Variants in MTHFD1 observed in about 807,000 individuals in gnomAD.
MTHFD1 encodes C-1-tetrahydrofolate synthase, cytoplasmic.
In MTHFD1, 44 loss-of-function variants were observed where a neutral mutation model predicts 110.3. The ratio of observed to expected loss-of-function variants is 0.40; its 90% confidence interval spans 0.31 to 0.51. The LOEUF (loss-of-function observed/expected upper bound fraction) is 0.51, where lower values mean the gene tolerates loss of function less well. Ranked by LOEUF, MTHFD1 falls within the 20% of genes least tolerant of loss-of-function variation. The pLI is 0.60. For missense variants in MTHFD1, 909 were observed against 1,173.1 expected, an observed-to-expected ratio of 0.77 and a Z score of 3.29; for synonymous variants, 402 against 428.8, an observed-to-expected ratio of 0.94 and a Z score of 0.77.
chr14:64,444,807 C>T, intron 22 of MTHFD1, 73 bp downstream of exon 22: 1 of 1,549,810 alleles, frequency 6.5e-7, no homozygotes, highest in Non-Finnish European at 8.9e-7. Context: ...CCACCTGGCC[C>T]ATGTGGAAAT....
intron 1 of MTHFD1, among the ~76,000 whole-genome samples, chr14:64,399,988 T>C (rs1392186990): frequency 6.6e-6 from 1 of 152,190 alleles, no homozygotes; most frequent in African/African-American, 2.4e-5. Context: ...TTGCCCAGGA[T>C]AGTCTTAAAC....
At chr14:64,411,829 A>G (rs1005841479) in intron 3 of MTHFD1, among the ~76,000 whole-genome samples, 110 of 152,136 alleles carry the variant, frequency 7.2e-4, no homozygotes, top group African/African-American at 2.5e-3. Flanking sequence ...TGAACCTGGG[A>G]GGCGGAGGTT....
At chr14:64,431,282 T>C (rs2078157853) in intron 13 of MTHFD1, among the ~76,000 whole-genome samples, 1 of 151,766 alleles carries the variant, frequency 6.6e-6, no homozygotes. Context: ...CCCAGGGTGG[T>C]CTTGAACTCC....
chr14:64,392,717 T>A (rs61984456), intron 1 of MTHFD1, among the ~76,000 whole-genome samples: 3,061 of 152,326 alleles, frequency 0.02, 53 homozygotes, highest in Non-Finnish European at 0.029. Context: ...GGGGTAGTAA[T>A]GTCACCTAAC....
At chr14:64,425,925 C>T (rs1432342547) in intron 10 of MTHFD1, 94 bp from the exon 11 acceptor site, 2 of 1,576,224 alleles carry the variant, frequency 1.3e-6, no homozygotes, top group Non-Finnish European at 1.7e-6. Flanking sequence ...AAGGTGCCTT[C>T]AGTGGTTGGG....
intron 2 of MTHFD1, among the ~76,000 whole-genome samples, chr14:64,410,413 G>A (rs1218516806): frequency 6.6e-6 from 1 of 151,472 alleles, no homozygotes; most frequent in Non-Finnish European, 1.5e-5. Context: ...AAGATGGGGG[G>A]GGGGGTCTCA....
At chr14:64,457,304 A>C (rs2078490694) in intron 26 of MTHFD1, among the ~76,000 whole-genome samples, 1 of 152,212 alleles carries the variant, frequency 6.6e-6, no homozygotes, top group Non-Finnish European at 1.5e-5. Flanking sequence ...TGAGCTGAGG[A>C]GGCGAGTGAG....
chr14:64,431,370 AT>A (rs1364969516), intron 13 of MTHFD1, among the ~76,000 whole-genome samples, 161 bp from the exon 14 acceptor site: 18 of 152,132 alleles, frequency 1.2e-4, no homozygotes, highest in Admixed American at 1.0e-3. Flanking sequence ...CCAGCCAGTC[AT>A]TTATGTTTTC....
At chr14:64,400,280 C>T (rs1173229840) in intron 1 of MTHFD1, among the ~76,000 whole-genome samples, 2 of 151,982 alleles carry the variant, frequency 1.3e-5, no homozygotes, top group East Asian at 1.9e-4. Flanking sequence ...CCTAGCTACT[C>T]GGGAGGCTGA....
chr14:64,458,451 T>C (rs1426855124), intron 27 of MTHFD1, 144 bp downstream of exon 27: 5 of 711,202 alleles, frequency 7.0e-6, no homozygotes, highest in Non-Finnish European at 1.3e-5. Flanking sequence ...GGAGAGGGGA[T>C]AGTAATGAGA....
At chr14:64,430,408 C>G (rs1191507590) in intron 13 of MTHFD1, among the ~76,000 whole-genome samples, 178 bp downstream of exon 13, 1 of 150,110 alleles carries the variant, frequency 6.7e-6, no homozygotes, top group African/African-American at 2.5e-5. Flanking sequence ...AAGCAACTCT[C>G]CTGCGTCAGC....
chr14:64,456,063 C>G (rs758294047), intron 26 of MTHFD1, among the ~76,000 whole-genome samples: 12 of 152,202 alleles, frequency 7.9e-5, no homozygotes, highest in Non-Finnish European at 1.6e-4. Context: ...TCAGCAGCTA[C>G]CAGCTGAAAG....
intron 2 of MTHFD1, among the ~76,000 whole-genome samples, chr14:64,410,883 G>A (rs2077978276): frequency 6.6e-6 from 1 of 152,096 alleles, no homozygotes; most frequent in South Asian, 2.1e-4. Context: ...GGAACCAGGT[G>A]GGCCTTGTTT....
chr14:64,442,373 G>T lies in MTHFD1; in HGVS notation c.2107G>T (p.Ala703Ser), dbSNP rs1000242915. ...HVVVLVATVRALKMHGGGPTV... is the reference protein window; with the variant it reads ...HVVVLVATVRSLKMHGGGPTV... The stretch of plus-strand genomic sequence containing the variant: ...GGTGGTGCTTGTTGCCACTGTCAGG[G>T]CTCTCAAGATGCACGGGGGCGGCCC... Residue 703 changes from alanine to serine, a missense_variant, in exon 21 of 28, where the codon GCT (alanine) becomes TCT (serine). By Grantham distance (99) the Ala-to-Ser change is moderately conservative. This residue lies in a region of MTHFD1 where 482 missense variants were observed against 646.0 expected (regional missense o/e 0.75). Coordinates refer to ENST00000652337, the MANE Select transcript of MTHFD1 (RefSeq NM_005956.4). 1 of 1,614,226 alleles carries T rather than the reference G, an allele frequency of 6.2e-7. No individual in the cohort carries two copies.
At chr14:64,423,687 C>T (rs1279812165) in intron 8 of MTHFD1, among the ~76,000 whole-genome samples, 1 of 151,386 alleles carries the variant, frequency 6.6e-6, no homozygotes, top group Non-Finnish European at 1.5e-5. Context: ...TGAGCCACCA[C>T]ACCTGGCCCT....
chr14:64,449,023 T>C (rs914370146), intron 23 of MTHFD1: 2 of 309,182 alleles, frequency 6.5e-6, no homozygotes, highest in Non-Finnish European at 1.3e-5. Context: ...ATGGTCTCGA[T>C]CTCCTGACCT....
At chr14:64,436,510 G>A (rs2078207196) in intron 16 of MTHFD1, among the ~76,000 whole-genome samples, 2 of 152,178 alleles carry the variant, frequency 1.3e-5, no homozygotes, top group African/African-American at 4.8e-5. Flanking sequence ...ACTGCCATAT[G>A]CTACTTTTCT....
chr14:64,421,614 TA>T (rs1433795381), intron 8 of MTHFD1, among the ~76,000 whole-genome samples: 3 of 147,614 alleles, frequency 2.0e-5, no homozygotes, highest in Non-Finnish European at 3.0e-5. Flanking sequence ...TTTATTTATT[TA>T]TTTTTTTAAT....
rs773596898 is a variant in MTHFD1, at chr14:64,449,579, C to T, written c.2414C>T (p.Ala805Val). 1 of 1,614,144 alleles carries T rather than the reference C, an allele frequency of 6.2e-7. No homozygotes were observed. Among genetic ancestry groups the T allele is most frequent in the Non-Finnish European group, 8.5e-7 (1 of 1,180,028 alleles). Residue 805 changes from alanine (A) to valine (V), a missense_variant, in exon 24 of 28, where the codon GCA (alanine) becomes GTA (valine). Coordinates refer to ENST00000652337, the MANE Select transcript of MTHFD1 (RefSeq NM_005956.4). ...GCCCTGGCTCAGGCCGTCCAGAGAGCAGCACAAGCACCCAGCAGCTTCCAG... is the reference window on the plus strand; with the variant it reads ...GCCCTGGCTCAGGCCGTCCAGAGAGTAGCACAAGCACCCAGCAGCTTCCAG... ...ALALAQAVQR[A>V]AQAPSSFQLL... is the part of the protein sequence containing the mutation.
Sources: gnomAD v4.1 joint callset for allele counts (sites outside exome capture counted in the v4.1 genomes callset) on GRCh38, gnomAD v4.1.1 for gene constraint, gnomAD v4.1.1 regional missense constraint, MANE v1.5 for transcripts, NCBI Gene and HGNC (gene_info 2026-07-23, HGNC 2026-07-21) for gene names.